ARHGAP15: variants seen among roughly 807,000 people sequenced by gnomAD.
ARHGAP15 encodes the protein rho GTPase-activating protein 15.
Under a neutral mutation model 63.7 loss-of-function variants are expected in ARHGAP15, and 51 were observed. That is an observed-to-expected ratio of 0.80 (90% confidence interval 0.64 to 1.01). The LOEUF (loss-of-function observed/expected upper bound fraction) is 1.01. Ranked by LOEUF, ARHGAP15 falls within the 50% of genes least tolerant of loss-of-function variation. ARHGAP15 has a pLI of 0.00. For synonymous variants in ARHGAP15, 191 were observed against 193.8 expected (o/e 0.99, Z 0.12); for missense variants, 560 against 564.6 (o/e 0.99, Z 0.08).
At chr2:143,539,722 T>G (rs1356718203) in intron 10 of ARHGAP15, among the ~76,000 whole-genome samples, 7 of 152,228 alleles carry the variant, frequency 4.6e-5, no homozygotes, top group African/African-American at 1.4e-4. Context: ...AGTTCTAGTT[T>G]GATTGCACTG....
chr2:143,307,708 T>A (rs1369454059), intron 6 of ARHGAP15, among the ~76,000 whole-genome samples: 1 of 152,072 alleles, frequency 6.6e-6, no homozygotes. Flanking sequence ...CTGTTTGGAG[T>A]CTTATCCAGT....
chr2:143,678,868 T>G (rs1251770609), intron 12 of ARHGAP15, among the ~76,000 whole-genome samples: 2 of 152,218 alleles, frequency 1.3e-5, no homozygotes, highest in Non-Finnish European at 2.9e-5. Flanking sequence ...CTTTTATACT[T>G]AAATATATTT....
intron 8 of ARHGAP15, among the ~76,000 whole-genome samples, chr2:143,467,941 G>T (rs1270724062): frequency 6.6e-6 from 1 of 152,006 alleles, no homozygotes; most frequent in Non-Finnish European, 1.5e-5. Context: ...TGCCATAGCA[G>T]TACCACTTTA....
chr2:143,644,695 T>A (rs941751326), intron 12 of ARHGAP15, among the ~76,000 whole-genome samples: 10 of 152,088 alleles, frequency 6.6e-5, no homozygotes, highest in African/African-American at 2.4e-5. Flanking sequence ...GAACGCAAGT[T>A]CGGCCAGATC....
chr2:143,244,218 A>G lies in ARHGAP15; in HGVS notation c.385-6293A>G, dbSNP rs985355159. The stretch of plus-strand genomic sequence containing the variant: ...AACACTTATTTGGGGCCACTTTGCT[A>G]GATTCTGGAAAAATAAAGAACCATA... On this transcript the variant is annotated intron_variant, in intron 5 of 13. Coordinates refer to ENST00000295095, the MANE Select transcript of ARHGAP15 (RefSeq NM_018460.4). 2.6e-5 allele frequency among the ~76,000 whole-genome samples: 4 copies of G among 152,118 alleles called. No homozygotes were observed. In the South Asian group the frequency reaches 6.2e-4, roughly 24 times the overall value.
At chr2:143,523,284 A>G (rs1183361883) in intron 10 of ARHGAP15, among the ~76,000 whole-genome samples, 1 of 152,186 alleles carries the variant, frequency 6.6e-6, no homozygotes, top group Non-Finnish European at 1.5e-5. Context: ...ACTATGAGAG[A>G]AAAGAACAGA....
At chr2:143,217,887 C>T (rs1692820132) in intron 4 of ARHGAP15, among the ~76,000 whole-genome samples, 2 of 152,144 alleles carry the variant, frequency 1.3e-5, no homozygotes, top group African/African-American at 4.8e-5. Context: ...GTCAGTTCCA[C>T]CCTCCAGCCT....
At chr2:143,373,995 T>C (rs1686694768) in intron 6 of ARHGAP15, among the ~76,000 whole-genome samples, 1 of 152,190 alleles carries the variant, frequency 6.6e-6, no homozygotes, top group South Asian at 2.1e-4. Flanking sequence ...TTTTCAGAAA[T>C]ATGTTAGCTC....
chr2:143,220,596 C>T (rs530064379), intron 4 of ARHGAP15, among the ~76,000 whole-genome samples: 6 of 152,186 alleles, frequency 3.9e-5, no homozygotes, highest in Non-Finnish European at 7.3e-5. Context: ...TTAGTATGCA[C>T]TGCCATATTG....
At chr2:143,626,395 T>C (rs1339530022) in intron 12 of ARHGAP15, among the ~76,000 whole-genome samples, 2 of 152,138 alleles carry the variant, frequency 1.3e-5, no homozygotes, top group Non-Finnish European at 2.9e-5. Context: ...ACGTGGTTCC[T>C]GCCGGTGGGT....
At chr2:143,420,311 AAAAAG>A (rs1396749169) in intron 6 of ARHGAP15, among the ~76,000 whole-genome samples, 4 of 152,168 alleles carry the variant, frequency 2.6e-5, no homozygotes, top group African/African-American at 9.7e-5. Context: ...CAGAAGATGG[AAAAAG>A]AAAAGAGAGC....
intron 12 of ARHGAP15, among the ~76,000 whole-genome samples, chr2:143,681,721 A>T (rs1259643258): frequency 6.6e-6 from 1 of 152,158 alleles, no homozygotes; most frequent in East Asian, 1.9e-4. Flanking sequence ...AGGCAACAGG[A>T]CCAATTTACC....
chr2:143,431,360 C>T (rs937196982), intron 6 of ARHGAP15, among the ~76,000 whole-genome samples: 1 of 152,024 alleles, frequency 6.6e-6, no homozygotes. Flanking sequence ...TCATTTGCTT[C>T]ATTTTCTTCA....
intron 13 of ARHGAP15, among the ~76,000 whole-genome samples, chr2:143,766,359 A>G (rs1337003421): frequency 6.6e-6 from 1 of 152,148 alleles, no homozygotes; most frequent in Non-Finnish European, 1.5e-5. Context: ...CTCTGGTGCC[A>G]TTATTCAGAG....
At position 143,297,944 on chromosome 2, in the gene ARHGAP15, T is replaced by A. The variant is rs535129680; in HGVS notation, c.474+47344T>A. Among the ~76,000 whole-genome samples, 7 of 152,126 alleles carry A rather than the reference T, an allele frequency of 4.6e-5. No homozygotes were observed. The South Asian group carries it at 1.4e-3, about 32-fold the overall frequency. On this transcript the variant is annotated intron_variant, in intron 6 of 13. Transcript: ENST00000295095. ...TCTCATTTAATCTTAGTGACAAATG[T>A]TCTGTGTGATCTTCTACCTTTAGCT...
At chr2:143,439,522 T>A (rs1689779433) in intron 8 of ARHGAP15, among the ~76,000 whole-genome samples, 1 of 50,208 alleles carries the variant, frequency 2.0e-5, no homozygotes, top group Non-Finnish European at 4.8e-5. Context: ...ACTCACCTTT[T>A]ACTTTGAAGT....
chr2:143,592,921 T>C (rs1219904291), intron 11 of ARHGAP15, among the ~76,000 whole-genome samples: 1 of 152,188 alleles, frequency 6.6e-6, no homozygotes, highest in Non-Finnish European at 1.5e-5. Context: ...GACTTTTCTC[T>C]CTATTTATAT....
intron 6 of ARHGAP15, among the ~76,000 whole-genome samples, chr2:143,379,550 A>T (rs1686974931): frequency 6.7e-6 from 1 of 149,380 alleles, no homozygotes; most frequent in African/African-American, 2.4e-5. Flanking sequence ...AGAGAGAATC[A>T]GCTTCATCAT....
intron 6 of ARHGAP15, among the ~76,000 whole-genome samples, chr2:143,254,049 A>G (rs1680299041): frequency 6.6e-6 from 1 of 152,150 alleles, no homozygotes; most frequent in Admixed American, 6.6e-5. Context: ...TTCTTAGTTA[A>G]CAGCAACACT....
Sources: gnomAD v4.1 joint callset for allele counts (sites outside exome capture counted in the v4.1 genomes callset) on GRCh38, gnomAD v4.1.1 for gene constraint, MANE v1.5 for transcripts, NCBI Gene and HGNC (gene_info 2026-07-23, HGNC 2026-07-21) for gene names.